Variants in CD55 observed in about 807,000 individuals in gnomAD.
CD55 encodes the protein CD55 molecule (Cromer blood group).
In CD55, 41 loss-of-function variants were observed where a neutral mutation model predicts 45.8. That is an observed-to-expected ratio of 0.90 (90% CI 0.70 to 1.16). CD55 has a LOEUF of 1.16. Ranked by LOEUF, CD55 falls within the 50% of genes most tolerant of loss-of-function variation. The pLI, the probability that CD55 is intolerant of heterozygous loss-of-function variation, is 0.00. For missense variants in CD55, 416 were observed against 469.8 expected (o/e 0.89, Z 1.06); for synonymous variants, 181 against 181.1 (o/e 1.00, Z 0.01).
At chr1:207,337,007 A>G (rs1293312123) in intron 7 of CD55, 189 bp downstream of exon 7, 4 of 668,080 alleles carry the variant, frequency 6.0e-6, no homozygotes, top group Non-Finnish European at 1.0e-5. Flanking sequence ...AAGACACACC[A>G]TAGTAAATGT....
chr1:207,348,007 T>C (rs1655718927), intron 9 of CD55, among the ~76,000 whole-genome samples: 1 of 152,208 alleles, frequency 6.6e-6, no homozygotes, highest in Non-Finnish European at 1.5e-5. Context: ...GTTGATTCCA[T>C]GTTATTGTGA....
At chr1:207,356,875 C>T (rs1000369164) in intron 9 of CD55, among the ~76,000 whole-genome samples, 2 of 152,164 alleles carry the variant, frequency 1.3e-5, no homozygotes, top group African/African-American at 4.8e-5. Context: ...TTTAAATCGA[C>T]CCTCTTCTGT....
At chr1:207,339,739 C>T (rs969828082) in intron 9 of CD55, among the ~76,000 whole-genome samples, 1 of 151,340 alleles carries the variant, frequency 6.6e-6, no homozygotes, top group Non-Finnish European at 1.5e-5. Context: ...TTTATAAAAA[C>T]ATAACCATGT....
intron 2 of CD55, among the ~76,000 whole-genome samples, chr1:207,323,272 G>GAT (rs138428487): frequency 2.6e-4 from 39 of 150,164 alleles, no homozygotes; most frequent in Non-Finnish European, 3.6e-4. Flanking sequence ...TATATAGGGA[G>GAT]ATATATATAT....
intron 9 of CD55, among the ~76,000 whole-genome samples, chr1:207,345,322 C>A (rs1655588768): frequency 1.3e-5 from 2 of 151,836 alleles, no homozygotes; most frequent in South Asian, 4.2e-4. Flanking sequence ...TTGATCTAGC[C>A]TATTATTGAT....
intron 9 of CD55, among the ~76,000 whole-genome samples, chr1:207,353,409 C>T (rs933265351): frequency 5.9e-5 from 9 of 152,080 alleles, no homozygotes; most frequent in African/African-American, 2.2e-4. Context: ...TCTGTATCCC[C>T]TAACAATTGT....
intron 5 of CD55, among the ~76,000 whole-genome samples, chr1:207,330,209 C>T (rs1654880540): frequency 6.6e-6 from 1 of 151,918 alleles, no homozygotes; most frequent in Non-Finnish European, 1.5e-5. Context: ...CTTGTTGTTG[C>T]TGCTTGTTTT....
At chr1:207,349,715 T>G (rs943996579) in intron 9 of CD55, among the ~76,000 whole-genome samples, 1 of 152,212 alleles carries the variant, frequency 6.6e-6, no homozygotes, top group South Asian at 2.1e-4. Flanking sequence ...CTTCTGATTT[T>G]TGTACCCCGA....
intron 6 of CD55, 68 bp from the exon 7 acceptor site, chr1:207,336,625 A>G: frequency 3.2e-6 from 5 of 1,556,698 alleles, no homozygotes; most frequent in Non-Finnish European, 4.4e-6. Flanking sequence ...CAGAGCAAGC[A>G]ATGGCTAAGA....
chr1:207,351,098 T>G (rs1008397305), intron 9 of CD55, among the ~76,000 whole-genome samples: 1 of 152,220 alleles, frequency 6.6e-6, no homozygotes, highest in African/African-American at 2.4e-5. Context: ...GCCTTAATTT[T>G]CAGAATGCCA....
chr1:207,350,005 G>A (rs183022012), intron 9 of CD55: 29 of 400,364 alleles, frequency 7.2e-5, no homozygotes, highest in East Asian at 3.4e-4. Flanking sequence ...TTTTCCTGGC[G>A]GCTCTTATTA....
chr1:207,353,040 G>GTTTTTTTTTT (rs386369456), intron 9 of CD55, among the ~76,000 whole-genome samples: 6 of 47,406 alleles, frequency 1.3e-4, no homozygotes, highest in African/African-American at 2.5e-4. Context: ...CTATTACCAG[G>GTTTTTTTTTT]TTTTTTTTTT....
Position 207,359,536 on chromosome 1 carries a change from T to TA in CD55, c.1082-8dup, listed in dbSNP as rs1553272460. On this transcript the variant is annotated splice_polypyrimidine_tract_variant and intron_variant, in intron 9 of 9. Coordinates refer to ENST00000367064, the MANE Select transcript of CD55 (RefSeq NM_000574.5). ...TTTAACTTTTTTTTTTTTTTTTTTT[T>TA]AATTTTCAGGGCACACGTGTTTCAC... The TA allele has an allele frequency of 7.1e-5, 110 of 1,542,142 alleles. No individual in the cohort carries two copies. Among genetic ancestry groups the TA allele is most frequent in the Middle Eastern group, 1.7e-4 (1 of 5,780 alleles).
rs1413295287 is a variant in CD55, at chr1:207,321,807, C to T, written c.42C>T (p.Leu14=). 1.3e-6 allele frequency: 2 copies of T among 1,528,182 alleles called. No individual in the cohort carries two copies. The highest frequency in any genetic ancestry group is 1.7e-6 in the Non-Finnish European group (2 of 1,143,390). 94.7% of individuals were successfully genotyped at this position (1,528,182 alleles called of 1,614,324 possible). ...CGAGCGTGCCCGCGGCGCTGCCCCT[C>T]CTCGGGGAGCTGCCCCGGCTGCTGC... The part of the protein sequence containing the change: ...ARPSVPAALP[L]LGELPRLLLL... Residue 14 remains leucine, a synonymous_variant, in exon 1 of 10, where the codon CTC becomes CTT. Coordinates refer to ENST00000367064, the MANE Select transcript of CD55 (RefSeq NM_000574.5).
At chr1:207,359,516 CTTTT>C (rs56236833) in intron 9 of CD55, 26 bp from the exon 10 acceptor site, 41 of 1,284,680 alleles carry the variant, frequency 3.2e-5, no homozygotes, top group South Asian at 9.3e-5. Flanking sequence ...TTGATTTTAA[CTTTT>C]TTTTTTTTTT....
chr1:207,359,427 C>A, intron 9 of CD55, 119 bp from the exon 10 acceptor site: 1 of 1,072,176 alleles, frequency 9.3e-7, no homozygotes, highest in Non-Finnish European at 1.3e-6. Flanking sequence ...GTTTTGCACC[C>A]CAAATTAACT....
intron 9 of CD55, among the ~76,000 whole-genome samples, chr1:207,352,505 T>C (rs1433670413): frequency 1.3e-5 from 2 of 152,178 alleles, no homozygotes; most frequent in Non-Finnish European, 2.9e-5. Flanking sequence ...GAGCTTAACC[T>C]CTGGAGTCAA....
chr1:207,322,460 T>TA lies in CD55; in HGVS notation c.181dup (p.Ile61AsnfsTer6). 6.2e-7 allele frequency: 1 copy of TA among 1,614,230 alleles called. No homozygotes were observed. Among genetic ancestry groups the TA allele is most frequent in the Non-Finnish European group, 8.5e-7 (1 of 1,180,018 alleles). The stretch of plus-strand genomic sequence containing the variant: ...CGTACAAGTTTTCCCGAGGATACTG[T>TA]AATAACGTACAAATGTGAAGAAAGC... On this transcript the variant is annotated frameshift_variant, in exon 2 of 10. Transcript: ENST00000367064. LOFTEE classifies it high-confidence loss of function.
chr1:207,345,521 C>T (rs903328500), intron 9 of CD55, among the ~76,000 whole-genome samples: 17 of 151,794 alleles, frequency 1.1e-4, no homozygotes, highest in African/African-American at 4.1e-4. Context: ...TGTATCTCAC[C>T]TCCCTGAGCT....
Sources: gnomAD v4.1 joint callset for allele counts (sites outside exome capture counted in the v4.1 genomes callset) on GRCh38, gnomAD v4.1.1 for gene constraint, MANE v1.5 for transcripts, NCBI Gene and HGNC (gene_info 2026-07-23, HGNC 2026-07-21) for gene names.